The following CCDC50 variants were observed in gnomAD, a reference collection of about 807,000 sequenced individuals.
CCDC50 encodes the protein coiled-coil domain-containing protein 50.
In CCDC50, 54 loss-of-function variants were observed where a neutral mutation model predicts 70.2. The observed-to-expected ratio is 0.77, with a 90% CI of 0.62 to 0.96. The LOEUF is 0.96. Among genes scored for constraint, CCDC50 ranks in the 50% least tolerant of loss-of-function variants. CCDC50 has a pLI of 0.00. For synonymous variants in CCDC50, 216 were observed against 198.8 expected, an observed-to-expected ratio of 1.09 and a Z score of -0.73; for missense variants, 558 against 578.7, an observed-to-expected ratio of 0.96 and a Z score of 0.37.
At chr3:191,361,221 A>G (rs1712476351) in intron 4 of CCDC50, 62 bp downstream of exon 4, 1 of 1,212,368 alleles carries the variant, frequency 8.2e-7, no homozygotes, top group Admixed American at 1.7e-5. Context: ...TTAGAGCAAA[A>G]ACTTTCTGTA....
At chr3:191,332,507 C>G (rs1346554602) in intron 1 of CCDC50, among the ~76,000 whole-genome samples, 2 of 152,194 alleles carry the variant, frequency 1.3e-5, no homozygotes. Flanking sequence ...GAATAATACT[C>G]TATTTCTTCT....
intron 1 of CCDC50, among the ~76,000 whole-genome samples, chr3:191,342,353 C>T (rs187235442): frequency 7.3e-5 from 11 of 151,390 alleles, no homozygotes; most frequent in Non-Finnish European, 1.2e-4. Context: ...TGCTCTCAAT[C>T]GTTTAAAGTT....
intron 1 of CCDC50, among the ~76,000 whole-genome samples, chr3:191,344,261 G>T (rs1026637857): frequency 1.3e-5 from 2 of 152,130 alleles, no homozygotes; most frequent in African/African-American, 4.8e-5. Flanking sequence ...CTGTCATACC[G>T]TCACGTTGTG....
At chr3:191,389,146 T>C (rs1446514107) in intron 10 of CCDC50, among the ~76,000 whole-genome samples, 1 of 152,148 alleles carries the variant, frequency 6.6e-6, no homozygotes, top group East Asian at 1.9e-4. Context: ...CTGTTCTTTA[T>C]TCTGTTATTT....
intron 1 of CCDC50, among the ~76,000 whole-genome samples, chr3:191,356,710 C>T (rs1307476377): frequency 1.3e-5 from 2 of 152,196 alleles, no homozygotes; most frequent in African/African-American, 2.4e-5. Flanking sequence ...ACTCAGTTCT[C>T]TCTCAGTAGC....
At chr3:191,363,865 T>G (rs543166024) in intron 4 of CCDC50, among the ~76,000 whole-genome samples, 4 of 152,210 alleles carry the variant, frequency 2.6e-5, no homozygotes, top group Admixed American at 1.3e-4. Context: ...GACTCTCAGC[T>G]GTCTAGTATG....
intron 3 of CCDC50, 67 bp downstream of exon 3, chr3:191,358,191 C>T: frequency 1.3e-6 from 2 of 1,592,728 alleles, no homozygotes; most frequent in East Asian, 4.5e-5. Context: ...GCAACCAGGG[C>T]AGGGGAGAAG....
At chr3:191,389,853 C>CTTTTTTTTTTTTTT (rs10635756) in intron 11 of CCDC50, among the ~76,000 whole-genome samples, 2 of 84,658 alleles carry the variant, frequency 2.4e-5, no homozygotes, top group Non-Finnish European at 4.2e-5. Context: ...ATCAAATTCA[C>CTTTTTTTTTTTTTT]TTTTTTTTTT....
rs887886423 is a variant in CCDC50 at position 191,395,343 on chromosome 3, T to G, written c.*3583T>G. 1 of 152,180 alleles carries G rather than the reference T, an allele frequency of 6.6e-6. No individual in the cohort carries two copies. The highest frequency in any genetic ancestry group is 1.5e-5 in the Non-Finnish European group (1 of 68,004). 9.4% of individuals were successfully genotyped at this position (152,180 alleles called of 1,614,324 possible). ...TATTAATTTTCTTTAATAGTTTCTG[T>G]CAAAACTTGTCTAAAATTTGTGTTG... On this transcript the variant is annotated 3_prime_UTR_variant, in exon 12 of 12. Transcript: ENST00000392455.
At chr3:191,331,148 G>A (rs1717969836) in intron 1 of CCDC50, among the ~76,000 whole-genome samples, 1 of 152,156 alleles carries the variant, frequency 6.6e-6, no homozygotes, top group African/African-American at 2.4e-5. Context: ...GTGTGGGTAT[G>A]TGTTGGGTTT....
intron 1 of CCDC50, among the ~76,000 whole-genome samples, chr3:191,335,190 A>G (rs113859503): frequency 1.3e-5 from 2 of 152,194 alleles, no homozygotes; most frequent in African/African-American, 4.8e-5. Flanking sequence ...GAAAACAGTT[A>G]TGGAGACCAC....
intron 1 of CCDC50, among the ~76,000 whole-genome samples, chr3:191,354,507 T>C (rs953880838): frequency 7.2e-5 from 11 of 152,210 alleles, no homozygotes; most frequent in African/African-American, 2.4e-4. Context: ...AATTTTTAAT[T>C]TTAGTTAGCA....
intron 4 of CCDC50, among the ~76,000 whole-genome samples, chr3:191,368,240 A>C (rs1030389242): frequency 1.3e-5 from 2 of 152,014 alleles, no homozygotes; most frequent in Non-Finnish European, 1.5e-5. Flanking sequence ...AAAGTCTTAG[A>C]AACTCAGAGT....
In CCDC50 at chr3:191,347,213, CCTTT is replaced by C. The variant is rs369281688; in HGVS notation, c.50-9871_50-9868del. Among the ~76,000 whole-genome samples the C allele has an allele frequency of 7.4e-4, 105 of 142,230 alleles. 3 individuals are homozygous for C. The East Asian group carries it at 0.018, about 25-fold the overall frequency. The allele number at this position is 142,230 out of a possible 152,430, so 93.3% of individuals were successfully genotyped here. Reference sequence around the variant, plus strand: ...TACTAGAATTTCTGAAGGTTTTTCTCCTTTCTTCTTATTTTTTGGATATCAACCT... The same window carrying C: ...TACTAGAATTTCTGAAGGTTTTTCTCCTTCTTATTTTTTGGATATCAACCT... On this transcript the variant is annotated intron_variant, in intron 1 of 11. Coordinates refer to ENST00000392455, the MANE Select transcript of CCDC50 (RefSeq NM_178335.3).
chr3:191,362,140 T>C (rs563082565), intron 4 of CCDC50, among the ~76,000 whole-genome samples: 1 of 152,318 alleles, frequency 6.6e-6, no homozygotes, highest in South Asian at 2.1e-4. Flanking sequence ...TTTTTTAAAT[T>C]ATTTTTTGAC....
intron 3 of CCDC50, 33 bp downstream of exon 3, chr3:191,358,157 A>C: frequency 6.2e-7 from 1 of 1,613,320 alleles, no homozygotes; most frequent in Non-Finnish European, 8.5e-7. Flanking sequence ...GGGTGATGCA[A>C]GACTGGTTTT....
intron 6 of CCDC50, 145 bp downstream of exon 6, chr3:191,375,734 A>G: frequency 1.1e-6 from 1 of 872,376 alleles, no homozygotes; most frequent in Non-Finnish European, 1.8e-6. Flanking sequence ...ACATATTATA[A>G]AAGGTATACA....
chr3:191,386,655 CA>C (rs1713507491), intron 10 of CCDC50, among the ~76,000 whole-genome samples: 1 of 152,142 alleles, frequency 6.6e-6, no homozygotes, highest in Non-Finnish European at 1.5e-5. Context: ...AATCCATGTA[CA>C]AAAATCAGTA....
At chr3:191,369,860 A>T (rs532640958) in intron 4 of CCDC50, 59 bp from the exon 5 acceptor site, 9 of 1,212,082 alleles carry the variant, frequency 7.4e-6, no homozygotes, top group Non-Finnish European at 8.6e-6. Flanking sequence ...AAGCCCCACC[A>T]TATGGAGTTT....
Sources: allele counts gnomAD v4.1 joint callset (sites outside exome capture counted in the v4.1 genomes callset), GRCh38; gene constraint gnomAD v4.1.1; transcripts MANE v1.5; gene names NCBI Gene and HGNC (gene_info 2026-07-23, HGNC 2026-07-21).